The following VEPH1 variants were observed in gnomAD, a reference collection of about 807,000 sequenced individuals.
The protein encoded by VEPH1 is ventricular zone-expressed PH domain-containing protein homolog 1.
A neutral mutation model predicts 85.2 loss-of-function variants in VEPH1; 80 were observed. The observed-to-expected ratio is 0.94, with a 90% CI of 0.78 to 1.13. The LOEUF (loss-of-function observed/expected upper bound fraction) is 1.13, where lower values mean the gene tolerates loss of function less well. Ranked by LOEUF, VEPH1 falls within the 50% of genes most tolerant of loss-of-function variation. The pLI, the probability that VEPH1 is intolerant of heterozygous loss-of-function variation, is 0.00. For synonymous variants in VEPH1, 297 were observed against 348.0 expected, an observed-to-expected ratio of 0.85 and a Z score of 1.63; for missense variants, 955 against 980.5, an observed-to-expected ratio of 0.97 and a Z score of 0.35.
chr3:157,279,736 A>G (rs1715841643), intron 12 of VEPH1, among the ~76,000 whole-genome samples: 1 of 152,122 alleles, frequency 6.6e-6, no homozygotes, highest in Non-Finnish European at 1.5e-5. Context: ...CCAGTATGTC[A>G]GTTGGGCCTG....
At chr3:157,283,924 G>A (rs777766851) in intron 12 of VEPH1, among the ~76,000 whole-genome samples, 1 of 152,126 alleles carries the variant, frequency 6.6e-6, no homozygotes, top group African/African-American at 2.4e-5. Flanking sequence ...GAGGCTGATA[G>A]GGCAGCTGGC....
Position 157,403,298 on chromosome 3 carries a change from C to T in VEPH1, c.906+10583G>A, listed in dbSNP as rs187602879. Reference sequence around the variant, plus strand: ...ACAAGAACTTAAGCAATAGAAAAGACTTGTACATACCCACCTGTGATATTC... The same window carrying T: ...ACAAGAACTTAAGCAATAGAAAAGATTTGTACATACCCACCTGTGATATTC... On this transcript the variant is annotated intron_variant, in intron 6 of 13. Coordinates refer to ENST00000362010, the MANE Select transcript of VEPH1 (RefSeq NM_001167912.2). Among the ~76,000 whole-genome samples the T allele has an allele frequency of 4.0e-3, 614 of 152,178 alleles. 3 individuals carry two copies. Among genetic ancestry groups the T allele is most frequent in the African/African-American group, 0.014 (574 of 41,508 alleles).
At chr3:157,304,021 T>TATATATATATATATATATATA (rs1559939923) in intron 11 of VEPH1, among the ~76,000 whole-genome samples, 3 of 83,990 alleles carry the variant, frequency 3.6e-5, no homozygotes, top group Non-Finnish European at 7.2e-5. Flanking sequence ...ATCTTATATT[T>TATATATATATATATATATATA]TTTATATATA....
At chr3:157,436,785 T>A in intron 4 of VEPH1, 1 of 556,232 alleles carries the variant, frequency 1.8e-6, no homozygotes, top group Non-Finnish European at 2.7e-6. Flanking sequence ...GCCACCAGCA[T>A]TACTCATTCA....
intron 12 of VEPH1, among the ~76,000 whole-genome samples, chr3:157,268,621 G>C (rs1714080952): frequency 6.6e-6 from 1 of 151,984 alleles, no homozygotes. Context: ...ATGCCCCCTG[G>C]GATTCTGGGA....
chr3:157,490,100 T>C (rs886304088), intron 2 of VEPH1, among the ~76,000 whole-genome samples: 2 of 152,114 alleles, frequency 1.3e-5, no homozygotes, highest in East Asian at 3.9e-4. Flanking sequence ...TCTATAGATA[T>C]AAAGACAGTA....
At chr3:157,395,457 A>T (rs976156555) in intron 6 of VEPH1, among the ~76,000 whole-genome samples, 3 of 152,202 alleles carry the variant, frequency 2.0e-5, no homozygotes, top group Admixed American at 6.5e-5. Context: ...TGCTGAGCCC[A>T]TGAATAACCT....
chr3:157,306,590 T>G (rs1267529267), intron 11 of VEPH1, among the ~76,000 whole-genome samples: 1 of 151,978 alleles, frequency 6.6e-6, no homozygotes, highest in East Asian at 1.9e-4. Flanking sequence ...CCTGATTTTT[T>G]GCTGCAAAAA....
At chr3:157,329,823 A>G (rs1722315714) in intron 9 of VEPH1, among the ~76,000 whole-genome samples, 1 of 152,202 alleles carries the variant, frequency 6.6e-6, no homozygotes, top group Admixed American at 6.5e-5. Flanking sequence ...TAAAGTAAAA[A>G]TTTAATAGAG....
intron 1 of VEPH1, among the ~76,000 whole-genome samples, chr3:157,501,965 G>A (rs2109798194): frequency 6.6e-6 from 1 of 152,322 alleles, no homozygotes; most frequent in African/African-American, 2.4e-5. Flanking sequence ...AAGGATTACA[G>A]ATTCTTTTGA....
intron 7 of VEPH1, among the ~76,000 whole-genome samples, chr3:157,367,755 C>T (rs1366484233): frequency 6.6e-6 from 1 of 152,152 alleles, no homozygotes; most frequent in Non-Finnish European, 1.5e-5. Context: ...TAGCAGTTCT[C>T]CTATCTCAGC....
intron 6 of VEPH1, among the ~76,000 whole-genome samples, chr3:157,401,730 T>TC (rs764593290): frequency 0.14 from 20,913 of 149,610 alleles, 1,899 homozygotes; most frequent in South Asian, 0.27. Flanking sequence ...GATTTTTCCT[T>TC]AATTTTTTTT....
In VEPH1 at chr3:157,442,514, T is replaced by C. The variant is rs763788249; in HGVS notation, c.530-14026A>G. 5.0e-6 allele frequency: 8 copies of C among 1,614,052 alleles called. No homozygotes were observed. In the Admixed American group the frequency reaches 5.0e-5, roughly 10 times the overall value. On this transcript the variant is annotated intron_variant, in intron 4 of 13. Transcript: ENST00000362010. ...TAAACAAAACCATCCTGTTTTCCTATGGCACAAAGAGGAATCCATATGAAA... is the reference window on the plus strand; with the variant it reads ...TAAACAAAACCATCCTGTTTTCCTACGGCACAAAGAGGAATCCATATGAAA...
chr3:157,369,204 A>AAAAAAAAAAAAAAAAAAAAAAACC, intron 7 of VEPH1, among the ~76,000 whole-genome samples: 1 of 146,160 alleles, frequency 6.8e-6, no homozygotes, highest in Admixed American at 6.8e-5. Flanking sequence ...AAAAAAAAAA[A>AAAAAAAAAAAAAAAAAAAAAAACC]CCTCCTGAGG....
chr3:157,322,747 T>G (rs1721489738), intron 9 of VEPH1, among the ~76,000 whole-genome samples: 1 of 152,198 alleles, frequency 6.6e-6, no homozygotes, highest in South Asian at 2.1e-4. Flanking sequence ...CAGGAACCCT[T>G]GAAGCAATTT....
At chr3:157,336,004 G>A (rs781781230) in intron 9 of VEPH1, among the ~76,000 whole-genome samples, 5 of 152,072 alleles carry the variant, frequency 3.3e-5, no homozygotes, top group Non-Finnish European at 7.4e-5. Flanking sequence ...AATCAGCATC[G>A]TAGAATCCTC....
chr3:157,454,030 G>A (rs1039556252), intron 4 of VEPH1, among the ~76,000 whole-genome samples: 2 of 152,070 alleles, frequency 1.3e-5, no homozygotes, highest in Non-Finnish European at 2.9e-5. Context: ...CCAAAGAGAT[G>A]AGCTAAGTTC....
chr3:157,396,725 T>G (rs1730414833), intron 6 of VEPH1, among the ~76,000 whole-genome samples: 2 of 152,176 alleles, frequency 1.3e-5, no homozygotes, highest in Non-Finnish European at 2.9e-5. Context: ...TGTTTGTTGA[T>G]CACATGTATG....
intron 6 of VEPH1, among the ~76,000 whole-genome samples, chr3:157,398,262 G>A (rs567974067): frequency 1.3e-5 from 2 of 152,250 alleles, no homozygotes; most frequent in East Asian, 3.9e-4. Flanking sequence ...AGCCAGTTCA[G>A]GTCACATACA....
Sources: allele counts gnomAD v4.1 joint callset (sites outside exome capture counted in the v4.1 genomes callset), GRCh38; gene constraint gnomAD v4.1.1; transcripts MANE v1.5; gene names NCBI Gene and HGNC (gene_info 2026-07-23, HGNC 2026-07-21).